The following RASA1 variants were observed in gnomAD, a reference collection of about 807,000 sequenced individuals.
RASA1 encodes ras GTPase-activating protein 1.
A neutral mutation model predicts 132.2 loss-of-function variants in RASA1; 25 were observed. That is an observed-to-expected ratio of 0.19 (90% CI 0.14 to 0.26). The LOEUF (loss-of-function observed/expected upper bound fraction) is 0.26, where lower values mean the gene tolerates loss of function less well. Ranked by LOEUF, RASA1 falls within the 10% of genes least tolerant of loss-of-function variation. The pLI is 1.00. For synonymous variants in RASA1, 477 were observed against 449.9 expected (o/e 1.06, Z -0.76); for missense variants, 964 against 1,299.2 (o/e 0.74, Z 3.97).
At chr5:87,291,900 C>T (rs1026423211) in intron 1 of RASA1, among the ~76,000 whole-genome samples, 23 of 152,180 alleles carry the variant, frequency 1.5e-4, no homozygotes, top group African/African-American at 5.5e-4. Context: ...TTCTTTATAG[C>T]CATGCAAGAA....
chr5:87,317,252 T>C (rs1362051202), intron 1 of RASA1, among the ~76,000 whole-genome samples: 1 of 152,190 alleles, frequency 6.6e-6, no homozygotes. Flanking sequence ...GTCCTTTTGT[T>C]TGTGCGTTCC....
chr5:87,282,111 T>C (rs74420670), intron 1 of RASA1, among the ~76,000 whole-genome samples: 10 of 152,264 alleles, frequency 6.6e-5, no homozygotes, highest in African/African-American at 2.2e-4. Context: ...TCATCAACTA[T>C]GATTTGAAAA....
intron 1 of RASA1, among the ~76,000 whole-genome samples, chr5:87,319,996 C>G (rs1399185961): frequency 6.6e-6 from 1 of 152,188 alleles, no homozygotes; most frequent in Non-Finnish European, 1.5e-5. Context: ...TTAGAAATTT[C>G]TTCTGCCAGG....
intron 1 of RASA1, among the ~76,000 whole-genome samples, chr5:87,287,115 CATATATATACACACCAT>C (rs1374641552): frequency 8.8e-5 from 12 of 136,744 alleles, no homozygotes; most frequent in East Asian, 2.2e-4. Flanking sequence ...ATATACACAC[CATATATATACACACCAT>C]ATATATATAC....
chr5:87,318,410 C>G (rs910407187), intron 1 of RASA1: 1 of 152,126 alleles, frequency 6.6e-6, no homozygotes, highest in Non-Finnish European at 1.5e-5. Flanking sequence ...CTACCTGAGA[C>G]TGGGTAGTTT....
At chr5:87,338,905 T>C (rs1758237404) in intron 5 of RASA1, among the ~76,000 whole-genome samples, 1 of 152,166 alleles carries the variant, frequency 6.6e-6, no homozygotes, top group Non-Finnish European at 1.5e-5. Flanking sequence ...TTCCATCATA[T>C]AATACGTTAT....
intron 1 of RASA1, among the ~76,000 whole-genome samples, chr5:87,286,202 C>T (rs1284338583): frequency 6.6e-6 from 1 of 152,010 alleles, no homozygotes; most frequent in Non-Finnish European, 1.5e-5. Context: ...CAGGGTTTCA[C>T]ATGTTGGCAA....
Position 87,387,591 on chromosome 5 carries a change from A to G in RASA1, c.2925+688A>G, listed in dbSNP as rs540936954. Among the ~76,000 whole-genome samples the G allele has an allele frequency of 2.0e-5, 3 of 152,250 alleles. No homozygotes were observed. The East Asian group carries it at 5.8e-4, about 29-fold the overall frequency. On this transcript the variant is annotated intron_variant, in intron 23 of 24. Transcript: ENST00000274376. Reference sequence around the variant, plus strand: ...GGTGCATGTACATGTGAATAGAGCCAGGTGTAAGGCATGGCATTAGGGAGT... The same window carrying G: ...GGTGCATGTACATGTGAATAGAGCCGGGTGTAAGGCATGGCATTAGGGAGT...
chr5:87,389,161 A>T, intron 23 of RASA1: 2 of 426,090 alleles, frequency 4.7e-6, no homozygotes. Context: ...ACAGAGAAAG[A>T]TTTGTATTTG....
At chr5:87,364,014 C>T (rs1304678118) in intron 11 of RASA1, among the ~76,000 whole-genome samples, 1 of 152,122 alleles carries the variant, frequency 6.6e-6, no homozygotes, top group Non-Finnish European at 1.5e-5. Flanking sequence ...GAATCCTAAA[C>T]ATCAGAAGAC....
At chr5:87,281,265 G>A (rs1038124586) in intron 1 of RASA1, among the ~76,000 whole-genome samples, 7 of 147,400 alleles carry the variant, frequency 4.7e-5, no homozygotes, top group East Asian at 3.9e-4. Context: ...TTTTTGAGAC[G>A]GAGTTTCGCT....
chr5:87,356,790 C>G (rs545756474), intron 9 of RASA1, among the ~76,000 whole-genome samples: 20 of 152,138 alleles, frequency 1.3e-4, no homozygotes, highest in Non-Finnish European at 2.8e-4. Flanking sequence ...ACGTGCACTG[C>G]GAAACCAAAA....
chr5:87,347,298 ATTAATT>A (rs1360871102), intron 7 of RASA1, among the ~76,000 whole-genome samples: 3 of 152,006 alleles, frequency 2.0e-5, no homozygotes, highest in African/African-American at 7.2e-5. Context: ...TTTAGTATGT[ATTAATT>A]TTAACATTTC....
At chr5:87,389,154 G>A in intron 23 of RASA1, 1 of 409,842 alleles carries the variant, frequency 2.4e-6, no homozygotes, top group Admixed American at 3.6e-5. Flanking sequence ...TGAGACTACA[G>A]AGAAAGATTT....
In RASA1 at chr5:87,378,431, G is replaced by A. The variant is rs1360937887; in HGVS notation, c.2380G>A (p.Ala794Thr). Reference protein sequence around the residue: ...ATTLFRATTLASTLMEQYMKA... With the variant: ...ATTLFRATTLTSTLMEQYMKA... ...TACCCTATTTCGAGCCACAACACTT[G>A]CAAGCACCTTGATGGAGCAGTATAT... The change falls in exon 18 of 25, where the codon GCA (alanine) becomes ACA (threonine). Residue 794 changes from alanine to threonine, a missense_variant. Physicochemically the swap from Ala to Thr is moderately conservative, Grantham distance 58. Around this residue, in one of 6 missense-constraint regions of RASA1, gnomAD observed 346 missense variants for 520.1 expected, o/e 0.67. Transcript: ENST00000274376. The A allele has an allele frequency of 1.9e-6, 3 of 1,613,048 alleles. No homozygotes were observed. Among genetic ancestry groups the A allele is most frequent in the Non-Finnish European group, 2.5e-6 (3 of 1,179,148 alleles).
chr5:87,294,509 A>G (rs556952308), intron 1 of RASA1: 2 of 152,292 alleles, frequency 1.3e-5, no homozygotes, highest in East Asian at 3.9e-4. Context: ...TCTTTCTTAC[A>G]TGTGCATTCA....
chr5:87,269,148 A>T (rs1753709566), intron 1 of RASA1, 158 bp downstream of exon 1: 8 of 1,613,164 alleles, frequency 5.0e-6, no homozygotes, highest in African/African-American at 1.3e-5. Context: ...CTGATCACTT[A>T]TCTTCCTTAC....
intron 1 of RASA1, among the ~76,000 whole-genome samples, chr5:87,328,524 T>C (rs1374975210): frequency 6.6e-6 from 1 of 152,188 alleles, no homozygotes; most frequent in Admixed American, 6.5e-5. Context: ...TTTAGACAAA[T>C]AACCACTCCC....
chr5:87,288,886 T>TC (rs2112264031), intron 1 of RASA1, among the ~76,000 whole-genome samples: 1 of 152,344 alleles, frequency 6.6e-6, no homozygotes, highest in Admixed American at 6.5e-5. Context: ...AAAAGTAAGT[T>TC]GCAGAGATCT....
Sources: allele counts gnomAD v4.1 joint callset (sites outside exome capture counted in the v4.1 genomes callset), GRCh38; gene constraint gnomAD v4.1.1; regional missense constraint gnomAD v4.1.1; transcripts MANE v1.5; gene names NCBI Gene and HGNC (gene_info 2026-07-23, HGNC 2026-07-21).